Variants in MTREX observed in about 807,000 individuals in gnomAD.
The protein encoded by MTREX is Mtr4 exosome RNA helicase, also known as exosome RNA helicase MTR4.
In MTREX, 76 loss-of-function variants were observed where a neutral mutation model predicts 135.4. The ratio of observed to expected loss-of-function variants is 0.56; its 90% CI spans 0.47 to 0.68. The LOEUF is 0.68. Among genes scored for constraint, MTREX ranks in the 30% least tolerant of loss-of-function variants. The pLI, the probability that MTREX is intolerant of heterozygous loss-of-function variation, is 0.00. For missense variants in MTREX, 920 were observed against 1,262.1 expected (o/e 0.73, Z 4.11); for synonymous variants, 404 against 401.6 (o/e 1.01, Z -0.07).
intron 19 of MTREX, among the ~76,000 whole-genome samples, chr5:55,396,982 G>A (rs888520108): frequency 1.3e-5 from 2 of 152,184 alleles, no homozygotes; most frequent in South Asian, 4.1e-4. Context: ...GCTGCTTTCT[G>A]TCTTTGAAAT....
chr5:55,320,381 A>AT (rs1749269044), intron 1 of MTREX, among the ~76,000 whole-genome samples: 1 of 151,894 alleles, frequency 6.6e-6, no homozygotes, highest in South Asian at 2.1e-4. Flanking sequence ...CACCCGGCTA[A>AT]TTTTTTGTAT....
At position 55,350,948 on chromosome 5, in the gene MTREX, G is replaced by A. The variant is rs758462253; in HGVS notation, c.1350G>A (p.Arg450=). The change falls in exon 13 of 27, where the codon AGG becomes AGA. Residue 450 remains arginine, a synonymous_variant. Coordinates refer to ENST00000230640, the MANE Select transcript of MTREX (RefSeq NM_015360.5). ...QVEHVLPLLK[R]GIGIHHGGLL... Reference sequence around the variant, plus strand: ...AACATGTACTTCCTCTTTTGAAGAGGGGAATTGGTATTCACCATGGTGGTT... The same window carrying A: ...AACATGTACTTCCTCTTTTGAAGAGAGGAATTGGTATTCACCATGGTGGTT... 6.2e-7 allele frequency: 1 copy of A among 1,605,356 alleles called. No homozygotes were observed. Among genetic ancestry groups the A allele is most frequent in the South Asian group, 1.1e-5 (1 of 88,110 alleles).
chr5:55,417,928 A>AT (rs1299416536), intron 25 of MTREX, among the ~76,000 whole-genome samples: 2 of 150,004 alleles, frequency 1.3e-5, no homozygotes, highest in African/African-American at 2.4e-5. Flanking sequence ...TTTATTTTTT[A>AT]TTTTTTTTAG....
chr5:55,363,943 A>G (rs180999564), intron 15 of MTREX, among the ~76,000 whole-genome samples: 7 of 152,346 alleles, frequency 4.6e-5, no homozygotes, highest in African/African-American at 1.7e-4. Flanking sequence ...ACATTCATGC[A>G]TAGAAAGCGA....
Position 55,327,706 on chromosome 5 carries a change from T to G in MTREX, c.340-10T>G. Reference sequence around the variant, plus strand: ...GTGAGGTTTTTTTTTCTTTTTTACTTTGTTGTCAGGTTGCACTTCCTGCAG... The same window carrying G: ...GTGAGGTTTTTTTTTCTTTTTTACTGTGTTGTCAGGTTGCACTTCCTGCAG... On this transcript the variant is annotated splice_polypyrimidine_tract_variant and intron_variant, in intron 3 of 26. Transcript: ENST00000230640. 1.2e-6 allele frequency: 2 copies of G among 1,609,680 alleles called. No homozygotes were observed. Among genetic ancestry groups the G allele is most frequent in the Non-Finnish European group, 1.7e-6 (2 of 1,177,166 alleles).
At chr5:55,399,530 C>G (rs190114274) in intron 20 of MTREX, among the ~76,000 whole-genome samples, 1 of 152,072 alleles carries the variant, frequency 6.6e-6, no homozygotes, top group African/African-American at 2.4e-5. Flanking sequence ...CTCTGTCGCT[C>G]AAGCCAGAGT....
chr5:55,398,214 T>C (rs546291564), intron 20 of MTREX, among the ~76,000 whole-genome samples: 35 of 151,260 alleles, frequency 2.3e-4, no homozygotes, highest in Non-Finnish European at 5.0e-4. Context: ...CACTCTAGCA[T>C]GTGCAACAGA....
intron 19 of MTREX, among the ~76,000 whole-genome samples, chr5:55,389,575 CT>C (rs1054013355): frequency 2.8e-4 from 43 of 152,212 alleles, no homozygotes; most frequent in African/African-American, 9.9e-4. Flanking sequence ...GCATTTTGTG[CT>C]TCAAAACTGC....
Position 55,414,252 on chromosome 5 carries a change from T to G in MTREX, c.2808+14T>G, listed in dbSNP as rs747510530. 8.3e-6 allele frequency: 13 copies of G among 1,560,646 alleles called. No homozygotes were observed. The Admixed American group carries it at 8.9e-5, about 11-fold the overall frequency. On this transcript the variant is annotated intron_variant, in intron 24 of 26. Coordinates refer to ENST00000230640, the MANE Select transcript of MTREX (RefSeq NM_015360.5). ...CGTCAAATGCAGGTAAGGTTTTTTT[T>G]TTTTTTTTTTGAACTACATATTTTA...
At chr5:55,310,161 A>G (rs1193652085) in intron 1 of MTREX, among the ~76,000 whole-genome samples, 1 of 152,234 alleles carries the variant, frequency 6.6e-6, no homozygotes, top group Non-Finnish European at 1.5e-5. Flanking sequence ...ACAGCCTTCC[A>G]AAGTGAAAAG....
chr5:55,347,599 T>C (rs976525416), intron 11 of MTREX, among the ~76,000 whole-genome samples: 1 of 152,230 alleles, frequency 6.6e-6, no homozygotes, highest in Non-Finnish European at 1.5e-5. Context: ...ATATAACTTC[T>C]AGCAAATCGG....
Position 55,308,026 on chromosome 5 carries a change from T to C in MTREX, c.13T>C (p.Phe5Leu), listed in dbSNP as rs992909074. The C allele has an allele frequency of 3.1e-6, 5 of 1,613,866 alleles. No homozygotes were observed. The highest frequency in any genetic ancestry group is 4.2e-6 in the Non-Finnish European group (5 of 1,179,990). MADAFGDELFSVFEG... is the reference protein window; with the variant it reads MADALGDELFSVFEG... ...ACTGCTCCCAAAAATGGCGGACGCA[T>C]TCGGAGATGAGCTGTTCAGCGTGTT... Residue 5 changes from phenylalanine to leucine, a missense_variant, in exon 1 of 27, where the codon TTC becomes CTC. This residue lies in a region of MTREX where 136 missense variants were observed against 126.7 expected (regional missense o/e 1.07). Transcript: ENST00000230640.
chr5:55,344,165 A>G (rs1749693678), intron 8 of MTREX, among the ~76,000 whole-genome samples: 1 of 152,128 alleles, frequency 6.6e-6, no homozygotes, highest in African/African-American at 2.4e-5. Context: ...GGTGGGGCAG[A>G]AAAGTTCCAT....
chr5:55,342,749 C>T (rs1749671451), intron 7 of MTREX, among the ~76,000 whole-genome samples: 1 of 152,146 alleles, frequency 6.6e-6, no homozygotes, highest in Non-Finnish European at 1.5e-5. Context: ...TTCACCCTTT[C>T]CAAATTTATA....
intron 1 of MTREX, among the ~76,000 whole-genome samples, chr5:55,309,398 A>G (rs1253590587): frequency 6.6e-6 from 1 of 152,144 alleles, no homozygotes. Flanking sequence ...GAAAGAAGAT[A>G]GACAGTGAGA....
intron 14 of MTREX, chr5:55,357,356 G>A (rs113193122): frequency 9.8e-4 from 150 of 152,612 alleles, no homozygotes; most frequent in Middle Eastern, 5.0e-3. Context: ...CTTCGTGGCC[G>A]GTACTGGGGA....
At chr5:55,336,735 G>C (rs1749559110) in intron 5 of MTREX, among the ~76,000 whole-genome samples, 1 of 152,158 alleles carries the variant, frequency 6.6e-6, no homozygotes, top group African/African-American at 2.4e-5. Flanking sequence ...CTTCAGATGT[G>C]AACAGTTGTC....
At chr5:55,318,310 A>G (rs991407058) in intron 1 of MTREX, among the ~76,000 whole-genome samples, 5 of 152,228 alleles carry the variant, frequency 3.3e-5, no homozygotes, top group Non-Finnish European at 7.3e-5. Context: ...CCATAAAGAC[A>G]CATGCATGTG....
intron 19 of MTREX, among the ~76,000 whole-genome samples, chr5:55,396,949 C>T (rs1357168311): frequency 6.6e-6 from 1 of 152,180 alleles, no homozygotes; most frequent in East Asian, 1.9e-4. Flanking sequence ...AGGTGTTCTT[C>T]AAGATTATGT....
Sources: allele counts gnomAD v4.1 joint callset (sites outside exome capture counted in the v4.1 genomes callset), GRCh38; gene constraint gnomAD v4.1.1; regional missense constraint gnomAD v4.1.1; transcripts MANE v1.5; gene names NCBI Gene and HGNC (gene_info 2026-07-23, HGNC 2026-07-21).